Variants in GPC5 observed in about 807,000 individuals in gnomAD.
The protein encoded by GPC5 is glypican-5.
Under a neutral mutation model 53.9 loss-of-function variants are expected in GPC5, and 47 were observed. That is an observed-to-expected ratio of 0.87 (90% CI 0.69 to 1.11). The LOEUF (loss-of-function observed/expected upper bound fraction) is 1.11. Ranked by LOEUF, GPC5 falls within the 50% of genes most tolerant of loss-of-function variation. GPC5 has a pLI of 0.00. For missense variants in GPC5, 748 were observed against 713.1 expected (o/e 1.05, Z -0.56); for synonymous variants, 286 against 263.3 (o/e 1.09, Z -0.84).
intron 7 of GPC5, among the ~76,000 whole-genome samples, chr13:92,633,764 T>C (rs1231685498): frequency 6.6e-6 from 1 of 152,160 alleles, no homozygotes; most frequent in East Asian, 1.9e-4. Flanking sequence ...CTTTAAAAAA[T>C]TACTAATGGC....
At chr13:91,766,588 C>T (rs1310942633) in intron 5 of GPC5, among the ~76,000 whole-genome samples, 2 of 152,136 alleles carry the variant, frequency 1.3e-5, no homozygotes, top group Admixed American at 1.3e-4. Flanking sequence ...TAAGGCCGGG[C>T]GCGGTGGCTC....
At position 91,696,665 on chromosome 13, in the gene GPC5, G is replaced by T. The variant is rs540658438; in HGVS notation, c.1020+2784G>T. Among the ~76,000 whole-genome samples the T allele has an allele frequency of 2.6e-5, 4 of 152,138 alleles. No individual in the cohort carries two copies. The South Asian group carries it at 8.3e-4, about 32-fold the overall frequency. Reference sequence around the variant, plus strand: ...ATATTTTCACTTTAAAATATCTGTGGAGATACCTGATATATATATAAAATA... The same window carrying T: ...ATATTTTCACTTTAAAATATCTGTGTAGATACCTGATATATATATAAAATA... On this transcript the variant is annotated intron_variant, in intron 3 of 7. Transcript: ENST00000377067.
chr13:92,666,640 A>C (rs1886575438), intron 7 of GPC5, among the ~76,000 whole-genome samples: 1 of 152,224 alleles, frequency 6.6e-6, no homozygotes, highest in Non-Finnish European at 1.5e-5. Flanking sequence ...CTAGTGAATT[A>C]AAATTTCCAT....
intron 7 of GPC5, among the ~76,000 whole-genome samples, chr13:92,684,141 T>G (rs1415738940): frequency 6.6e-6 from 1 of 152,232 alleles, no homozygotes; most frequent in East Asian, 1.9e-4. Flanking sequence ...GTTTTGCCTT[T>G]TTCAAAATGT....
At chr13:91,635,614 T>C (rs1459622875) in intron 2 of GPC5, among the ~76,000 whole-genome samples, 1 of 152,156 alleles carries the variant, frequency 6.6e-6, no homozygotes, top group Non-Finnish European at 1.5e-5. Context: ...GTTACACTGA[T>C]ATCTTTAAAT....
At chr13:92,262,645 T>C (rs2042774838) in intron 7 of GPC5, among the ~76,000 whole-genome samples, 1 of 152,168 alleles carries the variant, frequency 6.6e-6, no homozygotes, top group African/African-American at 2.4e-5. Flanking sequence ...GAGTAACAAG[T>C]CATGAATTCA....
intron 7 of GPC5, among the ~76,000 whole-genome samples, chr13:92,667,069 A>G (rs186293850): frequency 1.6e-4 from 25 of 152,264 alleles, no homozygotes; most frequent in Admixed American, 1.6e-3. Context: ...AACTATTCAC[A>G]AAAAAAGATA....
At chr13:91,615,741 C>T (rs1396814049) in intron 2 of GPC5, among the ~76,000 whole-genome samples, 1 of 152,134 alleles carries the variant, frequency 6.6e-6, no homozygotes, top group Non-Finnish European at 1.5e-5. Flanking sequence ...CTCTCAATGT[C>T]ATTTCCCCTT....
intron 2 of GPC5, among the ~76,000 whole-genome samples, chr13:91,645,337 T>C (rs1227527818): frequency 6.6e-6 from 1 of 152,190 alleles, no homozygotes; most frequent in Non-Finnish European, 1.5e-5. Context: ...GAATTTAACT[T>C]CTCTGTTTCT....
Position 91,398,993 on chromosome 13 carries a change from G to T in GPC5, c.-54G>T. ...CTTCCACGTCTGCAGCTCAGCCAGG[G>T]CGCGCAGGGCGAGTGGGGTCCACTG... On this transcript the variant is annotated 5_prime_UTR_variant, in exon 1 of 8. Coordinates refer to ENST00000377067, the MANE Select transcript of GPC5 (RefSeq NM_004466.6). The T allele has an allele frequency of 6.6e-7, 1 of 1,520,804 alleles. No individual in the cohort carries two copies. 94.2% of individuals were successfully genotyped at this position (1,520,804 alleles called of 1,614,324 possible).
At chr13:92,754,645 C>T (rs1245707153) in intron 7 of GPC5, among the ~76,000 whole-genome samples, 3 of 150,802 alleles carry the variant, frequency 2.0e-5, no homozygotes, top group African/African-American at 7.3e-5. Flanking sequence ...ATCTACCAAG[C>T]AAATGGAAAA....
chr13:92,797,576 C>A (rs1158137046), intron 7 of GPC5, among the ~76,000 whole-genome samples: 1 of 151,866 alleles, frequency 6.6e-6, no homozygotes, highest in Non-Finnish European at 1.5e-5. Context: ...TGTTCTGCCA[C>A]ACACTAAATA....
chr13:92,388,171 C>A (rs1392347441), intron 7 of GPC5, among the ~76,000 whole-genome samples: 4 of 151,902 alleles, frequency 2.6e-5, no homozygotes, highest in Non-Finnish European at 5.9e-5. Context: ...GTAAAATTCT[C>A]ACATTAAAGG....
chr13:91,799,399 C>T (rs1158905960), intron 5 of GPC5, among the ~76,000 whole-genome samples: 2 of 152,062 alleles, frequency 1.3e-5, no homozygotes, highest in African/African-American at 4.8e-5. Flanking sequence ...ACCACTCGGG[C>T]AATGGGATGA....
chr13:91,784,026 T>C (rs2037838986), intron 5 of GPC5, among the ~76,000 whole-genome samples: 1 of 152,164 alleles, frequency 6.6e-6, no homozygotes, highest in African/African-American at 2.4e-5. Flanking sequence ...GGATATAATT[T>C]TTAGGAAGTA....
intron 7 of GPC5, among the ~76,000 whole-genome samples, chr13:92,392,211 A>G (rs1315025453): frequency 6.6e-6 from 1 of 152,154 alleles, no homozygotes; most frequent in African/African-American, 2.4e-5. Flanking sequence ...TTCAAACCAT[A>G]ATTCTTAACC....
chr13:91,517,731 A>T (rs945033965), intron 2 of GPC5, among the ~76,000 whole-genome samples: 4 of 152,232 alleles, frequency 2.6e-5, no homozygotes, highest in African/African-American at 9.6e-5. Context: ...CTGAGAAGAA[A>T]AAGTTTAATT....
intron 7 of GPC5, among the ~76,000 whole-genome samples, chr13:92,392,943 T>C (rs573795087): frequency 6.6e-6 from 1 of 152,298 alleles, no homozygotes; most frequent in East Asian, 1.9e-4. Context: ...ACTTATACAC[T>C]GTTGATGGGA....
intron 7 of GPC5, among the ~76,000 whole-genome samples, chr13:92,755,194 T>G (rs1874800184): frequency 1.4e-5 from 2 of 139,496 alleles, no homozygotes; most frequent in South Asian, 5.2e-4. Flanking sequence ...GCCGCTCAAC[T>G]ACATGGAAAC....
Sources: allele counts gnomAD v4.1 joint callset (sites outside exome capture counted in the v4.1 genomes callset), GRCh38; gene constraint gnomAD v4.1.1; transcripts MANE v1.5; gene names NCBI Gene and HGNC (gene_info 2026-07-23, HGNC 2026-07-21).